The following ADGRB3 variants were observed in gnomAD, a reference collection of about 807,000 sequenced individuals.
ADGRB3 encodes adhesion G protein-coupled receptor B3, also known as brain-specific angiogenesis inhibitor 3.
A neutral mutation model predicts 193.4 loss-of-function variants in ADGRB3; 37 were observed. The ratio of observed to expected loss-of-function variants is 0.19; its 90% confidence interval spans 0.15 to 0.25. The LOEUF (loss-of-function observed/expected upper bound fraction) is 0.25, where lower values mean the gene tolerates loss of function less well. Ranked by LOEUF, ADGRB3 falls within the 10% of genes least tolerant of loss-of-function variation. The probability of loss-of-function intolerance (pLI) is 1.00; values close to 1 mark genes in which losing one functional copy is unlikely to be tolerated. For synonymous variants in ADGRB3, 690 were observed against 644.2 expected (o/e 1.07, Z -1.08); for missense variants, 1,637 against 1,852.9 (o/e 0.88, Z 2.14).
At chr6:69,334,404 A>G (rs1337251805) in intron 24 of ADGRB3, among the ~76,000 whole-genome samples, 1 of 152,226 alleles carries the variant, frequency 6.6e-6, no homozygotes, top group African/African-American at 2.4e-5. Flanking sequence ...TAAAAATTTG[A>G]TATCATTTAT....
intron 20 of ADGRB3, among the ~76,000 whole-genome samples, chr6:69,308,936 C>T (rs1768122557): frequency 6.6e-6 from 1 of 151,646 alleles, no homozygotes; most frequent in Non-Finnish European, 1.5e-5. Flanking sequence ...TCAGCTAAAA[C>T]CAAAGTTGGG....
chr6:69,128,624 C>T (rs1361870014), intron 17 of ADGRB3, among the ~76,000 whole-genome samples: 2 of 152,106 alleles, frequency 1.3e-5, no homozygotes, highest in African/African-American at 2.4e-5. Context: ...GCCAAGCAAT[C>T]TATTTTTAGT....
At chr6:68,646,904 T>A (rs1388215640) in intron 3 of ADGRB3, among the ~76,000 whole-genome samples, 1 of 152,210 alleles carries the variant, frequency 6.6e-6, no homozygotes, top group Admixed American at 6.5e-5. Context: ...ATTTACTGAT[T>A]AGGAATCTAC....
At chr6:69,277,911 A>G (rs1460455919) in intron 20 of ADGRB3, among the ~76,000 whole-genome samples, 1 of 152,214 alleles carries the variant, frequency 6.6e-6, no homozygotes, top group Admixed American at 6.5e-5. Context: ...TTTGAAAAGT[A>G]TCTGGCACAT....
chr6:69,029,235 T>A (rs937452520), intron 13 of ADGRB3, among the ~76,000 whole-genome samples: 58 of 152,340 alleles, frequency 3.8e-4, no homozygotes, highest in Non-Finnish European at 5.9e-4. Context: ...GACCATTTGT[T>A]TTCTTTTGTG....
chr6:69,116,121 G>C (rs1190497298), intron 17 of ADGRB3, among the ~76,000 whole-genome samples: 1 of 152,206 alleles, frequency 6.6e-6, no homozygotes, highest in East Asian at 1.9e-4. Flanking sequence ...TTGTCAGGCA[G>C]AATTCCTTCT....
chr6:69,075,997 T>C lies in ADGRB3; in HGVS notation c.2439T>C (p.Gly813=), dbSNP rs1400525853. The C allele has an allele frequency of 6.2e-7, 1 of 1,611,322 alleles. No individual in the cohort carries two copies. Among genetic ancestry groups the C allele is most frequent in the Non-Finnish European group, 8.5e-7 (1 of 1,178,118 alleles). Residue 813 remains glycine (G), a splice_region_variant and synonymous_variant, in exon 17 of 32, where the codon GGT becomes GGC. Coordinates refer to ENST00000370598, the MANE Select transcript of ADGRB3 (RefSeq NM_001704.3). ...TTCTTTCTCTGCTTTTTTTTTAGGG[T>C]ACTTTGAATCCCTATTGTGTATTGT... The part of the protein sequence containing the change: ...LEIELAHLAN[G]TLNPYCVLWD...
intron 24 of ADGRB3, among the ~76,000 whole-genome samples, chr6:69,336,300 C>T (rs1273396096): frequency 1.3e-5 from 2 of 151,944 alleles, no homozygotes; most frequent in Non-Finnish European, 2.9e-5. Context: ...TTAAGTTTCT[C>T]TATTTTTCTG....
chr6:68,935,538 AT>A (rs932218506), intron 4 of ADGRB3, among the ~76,000 whole-genome samples: 4 of 152,026 alleles, frequency 2.6e-5, no homozygotes, highest in Non-Finnish European at 2.9e-5. Flanking sequence ...TCACCTACAA[AT>A]TTTTTTTCAA....
chr6:68,836,679 C>T (rs1768052090), intron 3 of ADGRB3, among the ~76,000 whole-genome samples: 1 of 152,062 alleles, frequency 6.6e-6, no homozygotes, highest in South Asian at 2.1e-4. Flanking sequence ...ATCTCCCTGC[C>T]ATATATCTTA....
chr6:69,316,206 T>C (rs2127302937), intron 20 of ADGRB3, among the ~76,000 whole-genome samples: 1 of 151,194 alleles, frequency 6.6e-6, no homozygotes. Context: ...TCTGAAATTA[T>C]TGAAACCTTG....
intron 3 of ADGRB3, among the ~76,000 whole-genome samples, chr6:68,690,163 T>A (rs1362894124): frequency 6.6e-6 from 1 of 152,152 alleles, no homozygotes. Flanking sequence ...GGTCATTGAA[T>A]GTACAATCCT....
intron 15 of ADGRB3, among the ~76,000 whole-genome samples, chr6:69,056,322 T>C (rs1254847249): frequency 6.6e-6 from 1 of 152,196 alleles, no homozygotes. Context: ...TAATTTGGTT[T>C]GGGTTTTTGT....
At chr6:69,066,006 A>G (rs935767410) in intron 16 of ADGRB3, among the ~76,000 whole-genome samples, 2 of 151,924 alleles carry the variant, frequency 1.3e-5, no homozygotes, top group African/African-American at 4.8e-5. Context: ...TTTCAAGTAT[A>G]CAACAGAATG....
At chr6:69,114,645 C>A (rs780609336) in intron 17 of ADGRB3, among the ~76,000 whole-genome samples, 3 of 152,010 alleles carry the variant, frequency 2.0e-5, no homozygotes, top group Non-Finnish European at 4.4e-5. Context: ...GGTTTTAGGT[C>A]TTATGTTTAA....
At chr6:69,177,581 C>T (rs1202867458) in intron 17 of ADGRB3, among the ~76,000 whole-genome samples, 2 of 152,036 alleles carry the variant, frequency 1.3e-5, no homozygotes, top group East Asian at 1.9e-4. Context: ...CTCTTGACCT[C>T]GTGATCCACC....
At chr6:69,133,111 TC>T (rs1383472931) in intron 17 of ADGRB3, among the ~76,000 whole-genome samples, 3 of 152,024 alleles carry the variant, frequency 2.0e-5, no homozygotes, top group East Asian at 1.9e-4. Context: ...CTATGCAGGC[TC>T]TTTTTTGGTT....
chr6:68,941,747 A>G (rs1316273516), intron 5 of ADGRB3, among the ~76,000 whole-genome samples: 1 of 151,966 alleles, frequency 6.6e-6, no homozygotes, highest in Non-Finnish European at 1.5e-5. Flanking sequence ...TTTGAAATAA[A>G]TGCAATAGTT....
At chr6:68,767,695 A>G (rs1484854960) in intron 3 of ADGRB3, among the ~76,000 whole-genome samples, 2 of 152,150 alleles carry the variant, frequency 1.3e-5, no homozygotes, top group African/African-American at 2.4e-5. Context: ...GACCAGGGCA[A>G]TCAGGCAAGA....
Sources: gnomAD v4.1 joint callset for allele counts (sites outside exome capture counted in the v4.1 genomes callset) on GRCh38, gnomAD v4.1.1 for gene constraint, MANE v1.5 for transcripts, NCBI Gene and HGNC (gene_info 2026-07-23, HGNC 2026-07-21) for gene names.